Variants in FLI1 observed in about 807,000 individuals in gnomAD.
FLI1 encodes Fli-1 proto-oncogene, ETS transcription factor.
FLI1 carries 13 observed loss-of-function variants against 53.1 expected under a neutral mutation model. That is an observed-to-expected ratio of 0.24 (90% CI 0.16 to 0.39). The LOEUF (loss-of-function observed/expected upper bound fraction) is 0.39. Ranked by LOEUF, FLI1 falls within the 10% of genes least tolerant of loss-of-function variation. FLI1 has a pLI of 1.00. For missense variants in FLI1, 424 were observed against 600.5 expected (o/e 0.71, Z 3.07); for synonymous variants, 244 against 236.7 (o/e 1.03, Z -0.28).
intron 1 of FLI1, among the ~76,000 whole-genome samples, chr11:128,706,362 A>G (rs980006021): frequency 1.3e-5 from 2 of 151,968 alleles, no homozygotes; most frequent in African/African-American, 2.4e-5. Context: ...CTCACTATTC[A>G]CTCTACACAT....
At chr11:128,764,710 G>A in intron 2 of FLI1, 2 of 1,553,638 alleles carry the variant, frequency 1.3e-6, no homozygotes, top group Non-Finnish European at 1.7e-6. Flanking sequence ...TACCCACCCT[G>A]AGCGGCAGCC....
At chr11:128,708,239 A>G (rs1352792023) in intron 1 of FLI1, among the ~76,000 whole-genome samples, 2 of 152,262 alleles carry the variant, frequency 1.3e-5, no homozygotes, top group Non-Finnish European at 2.9e-5. Flanking sequence ...TACTGTGGTC[A>G]GTTACCATCG....
chr11:128,734,195 C>T (rs1293202073), intron 1 of FLI1, among the ~76,000 whole-genome samples: 2 of 152,168 alleles, frequency 1.3e-5, no homozygotes, highest in Admixed American at 6.5e-5. Context: ...AAGGAAAATG[C>T]GAGAAAAAGA....
At chr11:128,703,766 C>T (rs1938433795) in intron 1 of FLI1, among the ~76,000 whole-genome samples, 1 of 147,494 alleles carries the variant, frequency 6.8e-6, no homozygotes, top group African/African-American at 2.5e-5. Flanking sequence ...TCGCTTGAAC[C>T]CAGGAGGCAG....
chr11:128,745,635 C>T (rs574146434), intron 1 of FLI1, among the ~76,000 whole-genome samples: 2 of 152,346 alleles, frequency 1.3e-5, no homozygotes, highest in East Asian at 3.9e-4. Flanking sequence ...TCTCCCCTGT[C>T]CCCATGCCCT....
chr11:128,810,904 C>T lies in FLI1; in HGVS notation c.1275C>T (p.Ser425=). 6.2e-7 allele frequency: 1 copy of T among 1,614,046 alleles called. No homozygotes were observed. Among genetic ancestry groups the T allele is most frequent in the Non-Finnish European group, 8.5e-7 (1 of 1,179,902 alleles). Residue 425 remains serine, a synonymous_variant, in exon 9 of 9, where the codon TCC becomes TCT. Coordinates refer to ENST00000527786, the MANE Select transcript of FLI1 (RefSeq NM_002017.5). This position sits in a 1 kb window ranked among gnomAD's most constrained non-coding sequence, Gnocchi z 6.6. ...GAGCCGCATCACAATACTGGACCTCCCCCACGGGGGGAATCTACCCCAACC... is the reference window on the plus strand; with the variant it reads ...GAGCCGCATCACAATACTGGACCTCTCCCACGGGGGGAATCTACCCCAACC... The part of the protein sequence containing the change: ...FFGAASQYWT[S]PTGGIYPNPN...
intron 1 of FLI1, among the ~76,000 whole-genome samples, chr11:128,723,620 G>T (rs1009166181): frequency 1.3e-5 from 2 of 152,210 alleles, no homozygotes; most frequent in East Asian, 1.9e-4. Flanking sequence ...CCCTGCTTGA[G>T]ATTCCAAAAG....
intron 1 of FLI1, among the ~76,000 whole-genome samples, chr11:128,718,542 G>C (rs1487845481): frequency 6.6e-6 from 1 of 152,222 alleles, no homozygotes; most frequent in East Asian, 1.9e-4. Context: ...AACCAGGACT[G>C]GGGCGGGAAG....
chr11:128,744,717 A>G (rs1352807787), intron 1 of FLI1, among the ~76,000 whole-genome samples: 1 of 152,190 alleles, frequency 6.6e-6, no homozygotes, highest in Non-Finnish European at 1.5e-5. Flanking sequence ...CATTTTATGG[A>G]TAAGGGGAGA....
chr11:128,803,302 G>A (rs1942687045), intron 5 of FLI1, among the ~76,000 whole-genome samples: 2 of 152,068 alleles, frequency 1.3e-5, no homozygotes, highest in African/African-American at 4.8e-5. Context: ...ACCTCCCTTA[G>A]TTCCCACCTG....
chr11:128,770,867 TGAGA>T (rs962439830), intron 3 of FLI1, among the ~76,000 whole-genome samples: 6 of 151,910 alleles, frequency 3.9e-5, no homozygotes, highest in Admixed American at 2.6e-4. Flanking sequence ...GAAATGTATC[TGAGA>T]GAGAGAGAGG....
intron 1 of FLI1, among the ~76,000 whole-genome samples, chr11:128,719,991 C>A (rs1939189263): frequency 6.6e-6 from 1 of 152,154 alleles, no homozygotes; most frequent in Non-Finnish European, 1.5e-5. Context: ...AGAAGTGTCA[C>A]TTCATCCTTG....
At chr11:128,738,570 T>C (rs1016146603) in intron 1 of FLI1, among the ~76,000 whole-genome samples, 2 of 152,234 alleles carry the variant, frequency 1.3e-5, no homozygotes, top group African/African-American at 2.4e-5. Context: ...GCCAGAAAGA[T>C]CTGGCTTTTA....
intron 2 of FLI1, among the ~76,000 whole-genome samples, chr11:128,760,816 G>A (rs576837280): frequency 6.6e-6 from 1 of 152,082 alleles, no homozygotes; most frequent in South Asian, 2.1e-4. Context: ...GTGAGCCACC[G>A]CACCCAGCTT....
chr11:128,808,938 C>T (rs1002410360), intron 7 of FLI1, among the ~76,000 whole-genome samples: 2 of 152,148 alleles, frequency 1.3e-5, no homozygotes, highest in African/African-American at 4.8e-5. Context: ...AAAAGTAATC[C>T]TGTTCCTATT....
At chr11:128,759,873 C>T (rs140027038) in intron 2 of FLI1, among the ~76,000 whole-genome samples, 10 of 152,228 alleles carry the variant, frequency 6.6e-5, no homozygotes, top group African/African-American at 9.6e-5. Flanking sequence ...ATGAGGTCAC[C>T]GAGGAAACTA....
chr11:128,699,321 A>C (rs1008046115), intron 1 of FLI1, among the ~76,000 whole-genome samples: 7 of 152,240 alleles, frequency 4.6e-5, no homozygotes, highest in African/African-American at 1.7e-4. Flanking sequence ...CAGCCAAAAA[A>C]ATAGAAAGAA....
At chr11:128,805,343 C>G (rs145321789) in intron 5 of FLI1, 23 bp from the exon 6 acceptor site, 2 of 1,459,620 alleles carry the variant, frequency 1.4e-6, no homozygotes, top group Admixed American at 1.9e-5. Flanking sequence ...GCTAATGTAC[C>G]CCTATTTGTT....
At chr11:128,704,307 G>A (rs916531828) in intron 1 of FLI1, among the ~76,000 whole-genome samples, 1 of 152,138 alleles carries the variant, frequency 6.6e-6, no homozygotes, top group Non-Finnish European at 1.5e-5. Flanking sequence ...AAGGCCAGGT[G>A]AAGGCAGGGG....
Sources: gnomAD v4.1 joint callset for allele counts (sites outside exome capture counted in the v4.1 genomes callset) on GRCh38, gnomAD v4.1.1 for gene constraint, Gnocchi (gnomAD v3.1) non-coding constraint, MANE v1.5 for transcripts, NCBI Gene and HGNC (gene_info 2026-07-23, HGNC 2026-07-21) for gene names.